The following NXN variants were observed in gnomAD, a reference collection of about 807,000 sequenced individuals.
NXN encodes the protein nucleoredoxin, also known as nucleoredoxin 1.
In NXN, 16 loss-of-function variants were observed where a neutral mutation model predicts 48.6. The observed-to-expected ratio is 0.33, with a 90% CI of 0.22 to 0.50. The LOEUF (loss-of-function observed/expected upper bound fraction) is 0.50. NXN is among the 20% of genes least tolerant of loss of function. The probability of loss-of-function intolerance (pLI) is 0.98; values close to 1 mark genes in which losing one functional copy is unlikely to be tolerated. For missense variants in NXN, 492 were observed against 605.5 expected, an observed-to-expected ratio of 0.81 and a Z score of 1.97; for synonymous variants, 281 against 269.6, an observed-to-expected ratio of 1.04 and a Z score of -0.41.
At chr17:951,174 TTAAA>T (rs2069105537) in intron 1 of NXN, among the ~76,000 whole-genome samples, 2 of 67,518 alleles carry the variant, frequency 3.0e-5, no homozygotes, top group African/African-American at 6.6e-5. Flanking sequence ...CTGTCTCTAC[TTAAA>T]AAAAAAAAAA....
At chr17:969,828 C>G (rs1428700232) in intron 1 of NXN, among the ~76,000 whole-genome samples, 1 of 151,978 alleles carries the variant, frequency 6.6e-6, no homozygotes, top group Non-Finnish European at 1.5e-5. Flanking sequence ...CCCAGGAAAA[C>G]AAAGAGAAAG....
chr17:843,004 GAGAGAAAGAAAGAAAGAA>G (rs1286063437), intron 1 of NXN, among the ~76,000 whole-genome samples: 1 of 77,128 alleles, frequency 1.3e-5, no homozygotes. Flanking sequence ...AAGAGAGAAA[GAGAGAAAGAAAGAAAGAA>G]AGAAAGAAAG....
chr17:834,183 C>T (rs1307880582), intron 1 of NXN, among the ~76,000 whole-genome samples: 2 of 152,092 alleles, frequency 1.3e-5, no homozygotes, highest in South Asian at 2.1e-4. Context: ...ATTAGCCAGG[C>T]GTGGTGGCCA....
At chr17:805,664 C>T (rs113348097) in intron 5 of NXN, among the ~76,000 whole-genome samples, 1 of 144,820 alleles carries the variant, frequency 6.9e-6, no homozygotes, top group Admixed American at 6.9e-5. Context: ...TGGTGAAACC[C>T]CCGTCTCTAC....
At chr17:805,020 T>TGCCCCCCCCCCCCCCCCCCCCCCCC in intron 6 of NXN, 48 bp downstream of exon 6, 2 of 1,512,874 alleles carry the variant, frequency 1.3e-6, no homozygotes, top group Non-Finnish European at 1.8e-6. Context: ...GCCCCTCCTG[T>TGCCCCCCCCCCCCCCCCCCCCCCCC]CCCGCCCCCC....
intron 1 of NXN, among the ~76,000 whole-genome samples, chr17:955,271 G>A (rs1439508633): frequency 6.7e-6 from 1 of 149,748 alleles, no homozygotes; most frequent in East Asian, 2.0e-4. Context: ...GGGTTCAAGC[G>A]ATTCTCCTGC....
At chr17:922,371 G>T (rs1041257874) in intron 1 of NXN, among the ~76,000 whole-genome samples, 3 of 152,176 alleles carry the variant, frequency 2.0e-5, no homozygotes, top group Middle Eastern at 3.4e-3. Context: ...TTGAACCCGG[G>T]AGGCAGAGGT....
intron 1 of NXN, among the ~76,000 whole-genome samples, chr17:955,679 A>G (rs952933861): frequency 5.4e-5 from 8 of 149,394 alleles, no homozygotes; most frequent in African/African-American, 7.4e-5. Context: ...GGCGGATCAC[A>G]AGGTCAGGAG....
chr17:859,477 C>T (rs73291543), intron 1 of NXN, among the ~76,000 whole-genome samples: 1,566 of 151,852 alleles, frequency 0.01, 23 homozygotes, highest in African/African-American at 0.036. Context: ...TTCCCCAAGA[C>T]GTTTATTCAA....
intron 1 of NXN, among the ~76,000 whole-genome samples, chr17:882,575 C>T (rs2068296897): frequency 6.6e-6 from 1 of 151,978 alleles, no homozygotes; most frequent in African/African-American, 2.4e-5. Context: ...ACGCCATTCT[C>T]CTGCCTCAGC....
intron 1 of NXN, chr17:959,374 C>T (rs1222055949): frequency 8.5e-6 from 2 of 234,002 alleles, no homozygotes; most frequent in Non-Finnish European, 1.7e-5. Context: ...CAGAGGCTGC[C>T]TGCCCCGGCC....
rs1218156539 is a variant in NXN, at chr17:804,094, TTCC to T, written c.1001-291_1001-289del. On this transcript the variant is annotated intron_variant, in intron 6 of 7. Transcript: ENST00000336868. Reference sequence around the variant, plus strand: ...CCAGGTAGACAGTCTTCCCATTGAATTCCTCACAAACCCGCCTGGGAGGCTGAG... The same window carrying T: ...CCAGGTAGACAGTCTTCCCATTGAATTCACAAACCCGCCTGGGAGGCTGAG... 22 of 341,610 alleles carry T rather than the reference TTCC, an allele frequency of 6.4e-5. No homozygotes were observed. The East Asian group carries it at 1.3e-3, about 20-fold the overall frequency. The allele number at this position is 341,610 out of a possible 1,614,324, so 21.2% of individuals were successfully genotyped here. A position where few individuals can be genotyped will look rare whatever the true frequency, so the allele number is the denominator to read the frequency against.
chr17:958,220 A>G lies in NXN; in HGVS notation c.360+21099T>C, dbSNP rs1228856576. On this transcript the variant is annotated intron_variant, in intron 1 of 7. Coordinates refer to ENST00000336868, the MANE Select transcript of NXN (RefSeq NM_022463.5). This position sits in a 1 kb window ranked among gnomAD's most constrained non-coding sequence, Gnocchi z 6.9. ...CTTCTTTCCAGAAGGCTTTTCTTGCAGGAGGTGGCTGCCAGCTTGTCCCTT... is the reference window on the plus strand; with the variant it reads ...CTTCTTTCCAGAAGGCTTTTCTTGCGGGAGGTGGCTGCCAGCTTGTCCCTT... Among the ~76,000 whole-genome samples, 1 of 152,202 alleles carries G rather than the reference A, an allele frequency of 6.6e-6. No homozygotes were observed. Among genetic ancestry groups the G allele is most frequent in the Non-Finnish European group, 1.5e-5 (1 of 68,048 alleles).
chr17:804,385 C>T (rs771446480), intron 6 of NXN, among the ~76,000 whole-genome samples: 1 of 149,862 alleles, frequency 6.7e-6, no homozygotes, highest in Non-Finnish European at 1.5e-5. Flanking sequence ...CCGGTTCAAG[C>T]GATTCTCGTG....
chr17:853,172 C>T (rs907558079), intron 1 of NXN, among the ~76,000 whole-genome samples: 1 of 152,120 alleles, frequency 6.6e-6, no homozygotes, highest in Non-Finnish European at 1.5e-5. Flanking sequence ...AAATTCCCAG[C>T]CGGGCACGGT....
intron 1 of NXN, among the ~76,000 whole-genome samples, chr17:871,625 G>A (rs564804146): frequency 4.6e-5 from 7 of 151,760 alleles, no homozygotes; most frequent in South Asian, 2.1e-4. Flanking sequence ...GGCTGGTCTC[G>A]AACTCCTGAC....
Position 800,512 on chromosome 17 carries a change from C to T in NXN, c.*437G>A, listed in dbSNP as rs79445458. Reference sequence around the variant, plus strand: ...TCACCCGCAGCTCTAAGCGGAGGCCCTTTCTCAGCTCAGCCTCCACGCAGG... The same window carrying T: ...TCACCCGCAGCTCTAAGCGGAGGCCTTTTCTCAGCTCAGCCTCCACGCAGG... On this transcript the variant is annotated 3_prime_UTR_variant, in exon 8 of 8. Coordinates refer to ENST00000336868, the MANE Select transcript of NXN (RefSeq NM_022463.5). 0.011 allele frequency: 1,712 copies of T among 154,578 alleles called. 36 individuals carry two copies. Among genetic ancestry groups the T allele is most frequent in the African/African-American group, 0.039 (1,626 of 41,668 alleles). The allele number at this position is 154,578 out of a possible 1,614,324, so 9.6% of individuals were successfully genotyped here.
chr17:928,383 C>T (rs2068822342), intron 1 of NXN, among the ~76,000 whole-genome samples: 1 of 152,182 alleles, frequency 6.6e-6, no homozygotes, highest in Non-Finnish European at 1.5e-5. Flanking sequence ...CATAGATCCA[C>T]AGGCTGGATA....
chr17:853,721 ATAT>A (rs1395197456), intron 1 of NXN, among the ~76,000 whole-genome samples: 43 of 105,142 alleles, frequency 4.1e-4, no homozygotes, highest in African/African-American at 1.4e-3. Context: ...ATATATATAT[ATAT>A]TTTTTTTTTT....
Sources: allele counts gnomAD v4.1 joint callset (sites outside exome capture counted in the v4.1 genomes callset), GRCh38; gene constraint gnomAD v4.1.1; non-coding constraint Gnocchi (gnomAD v3.1); transcripts MANE v1.5; gene names NCBI Gene and HGNC (gene_info 2026-07-23, HGNC 2026-07-21).